KIF13B: variants seen among roughly 807,000 people sequenced by gnomAD.
KIF13B encodes kinesin-like protein KIF13B.
Under a neutral mutation model 222.0 loss-of-function variants are expected in KIF13B, and 127 were observed. The ratio of observed to expected loss-of-function variants is 0.57; its 90% CI spans 0.50 to 0.66. KIF13B has a LOEUF of 0.66. Among genes scored for constraint, KIF13B ranks in the 30% least tolerant of loss-of-function variants. The pLI, the probability that KIF13B is intolerant of heterozygous loss-of-function variation, is 0.00. For missense variants in KIF13B, 2,173 were observed against 2,379.0 expected, an observed-to-expected ratio of 0.91 and a Z score of 1.80; for synonymous variants, 976 against 919.0, an observed-to-expected ratio of 1.06 and a Z score of -1.12.
At chr8:29,090,014 G>C (rs1457222360) in intron 37 of KIF13B, among the ~76,000 whole-genome samples, 2 of 152,152 alleles carry the variant, frequency 1.3e-5, no homozygotes, top group Non-Finnish European at 2.9e-5. Flanking sequence ...GGCCTTTCCT[G>C]AATGTTCTAC....
intron 37 of KIF13B, among the ~76,000 whole-genome samples, chr8:29,082,818 T>C (rs1023487152): frequency 1.3e-5 from 2 of 152,232 alleles, no homozygotes; most frequent in Middle Eastern, 3.2e-3. Flanking sequence ...TGTTTGCTAA[T>C]CTGAAAACTT....
rs528332306 is a variant in KIF13B at position 29,101,098 on chromosome 8, G to A, written c.4216-1857C>T. On this transcript the variant is annotated intron_variant, in intron 35 of 39. Transcript: ENST00000524189. The stretch of plus-strand genomic sequence containing the variant: ...CTCTGAAATACTTCAGCGGAGGAGC[G>A]CTGGCATCCCCATGAATCATACGCT... Among the ~76,000 whole-genome samples, 14 of 152,274 alleles carry A rather than the reference G, an allele frequency of 9.2e-5. No individual in the cohort carries two copies. The East Asian group carries it at 2.3e-3, about 25-fold the overall frequency.
chr8:29,140,613 A>G lies in KIF13B; in HGVS notation c.2339T>C (p.Ile780Thr). Residue 780 changes from isoleucine (I) to threonine (T), a missense_variant, in exon 20 of 40, where the codon ATA becomes ACA. Transcript: ENST00000524189. ...ATCAGCACGTTTGAAGTATGATCGTATTACCTGTAAAGAGATTGAGAACAC... is the reference window on the plus strand; with the variant it reads ...ATCAGCACGTTTGAAGTATGATCGTGTTACCTGTAAAGAGATTGAGAACAC... ...WKECEEDNPV[I>T]RSYFKRADPF... is the part of the protein sequence containing the mutation. The G allele has an allele frequency of 6.2e-7, 1 of 1,612,414 alleles. No homozygotes were observed.
chr8:29,233,294 A>T (rs191599061), intron 2 of KIF13B, among the ~76,000 whole-genome samples: 65 of 152,320 alleles, frequency 4.3e-4, no homozygotes, highest in African/African-American at 1.5e-3. Context: ...AATCCTTGCC[A>T]CCCTAACCCC....
chr8:29,156,868 G>C (rs1811556194), intron 13 of KIF13B, among the ~76,000 whole-genome samples: 1 of 151,742 alleles, frequency 6.6e-6, no homozygotes, highest in Non-Finnish European at 1.5e-5. Flanking sequence ...ACACAACTTG[G>C]ATGTCTGAAG....
intron 26 of KIF13B, among the ~76,000 whole-genome samples, chr8:29,125,474 C>T (rs144281510): frequency 8.2e-4 from 125 of 152,182 alleles, no homozygotes; most frequent in Non-Finnish European, 1.1e-3. Flanking sequence ...ATATCACATC[C>T]GAAGAATAGT....
chr8:29,156,302 G>A (rs1048084564), intron 13 of KIF13B, among the ~76,000 whole-genome samples: 10 of 152,082 alleles, frequency 6.6e-5, no homozygotes, highest in Non-Finnish European at 1.5e-4. Context: ...ATGAAGCCAG[G>A]CATGGTTGAA....
intron 10 of KIF13B, among the ~76,000 whole-genome samples, chr8:29,169,710 A>G (rs73558600): frequency 0.047 from 7,176 of 152,294 alleles, 361 homozygotes; most frequent in African/African-American, 0.12. Context: ...CTAGACATTA[A>G]TCTCACATAG....
intron 16 of KIF13B, 63 bp from the exon 17 acceptor site, chr8:29,147,665 G>A: frequency 1.7e-6 from 2 of 1,202,232 alleles, no homozygotes; most frequent in East Asian, 2.4e-5. Context: ...TTCAAATGTT[G>A]TTCTATATGG....
chr8:29,137,673 C>T (rs1440546985), intron 21 of KIF13B, among the ~76,000 whole-genome samples: 1 of 152,184 alleles, frequency 6.6e-6, no homozygotes, highest in Non-Finnish European at 1.5e-5. Flanking sequence ...TTGTCCTCGT[C>T]CTTTTTACAT....
Position 29,067,629 on chromosome 8 carries a change from A to T in KIF13B, c.*2875T>A, listed in dbSNP as rs1807057178. ...TGCTTTGGGGGTTCAATGGGTCAGT[A>T]TCTTGGGCAGGAAGCACAGGGTGAC... On this transcript the variant is annotated 3_prime_UTR_variant, in exon 40 of 40. Transcript: ENST00000524189. 6.6e-6 allele frequency: 1 copy of T among 152,300 alleles called. No homozygotes were observed. The highest frequency in any genetic ancestry group is 1.5e-5 in the Non-Finnish European group (1 of 68,112). The allele number at this position is 152,300 out of a possible 1,614,324, so 9.4% of individuals were successfully genotyped here. A position where few individuals can be genotyped will look rare whatever the true frequency, so the allele number is the denominator to read the frequency against.
chr8:29,231,876 A>AT (rs920549015), intron 2 of KIF13B, among the ~76,000 whole-genome samples: 5 of 151,738 alleles, frequency 3.3e-5, no homozygotes, highest in African/African-American at 4.8e-5. Context: ...CCACTTCCAA[A>AT]TTTTTTTTTA....
At chr8:29,188,383 T>G (rs889655020) in intron 5 of KIF13B, 132 bp downstream of exon 5, 3 of 562,236 alleles carry the variant, frequency 5.3e-6, no homozygotes, top group Non-Finnish European at 9.3e-6. Flanking sequence ...CTGACTACTT[T>G]CAACATCTAC....
chr8:29,107,754 G>T (rs1040619832), intron 35 of KIF13B, among the ~76,000 whole-genome samples: 2 of 151,864 alleles, frequency 1.3e-5, no homozygotes, highest in Non-Finnish European at 2.9e-5. Context: ...TAGAGACGGG[G>T]TTTCACCGTG....
At position 29,245,414 on chromosome 8, in the gene KIF13B, C is replaced by T; in HGVS notation, c.81G>A (p.Val27=). ...TAACCTTGTTTGCATCCACATCCAC[C>T]ACACATTTGGTATGCAAGTCAGTCT... is the stretch of plus-strand genomic sequence containing the variant. ...RRETDLHTKC[V]VDVDANKVIL... is the part of the protein sequence containing the mutation. The change falls in exon 2 of 40, where the codon GTG becomes GTA. Residue 27 remains valine (V), a synonymous_variant. Transcript: ENST00000524189. 1 of 1,600,996 alleles carries T rather than the reference C, an allele frequency of 6.2e-7. No individual in the cohort carries two copies. The highest frequency in any genetic ancestry group is 8.5e-7 in the Non-Finnish European group (1 of 1,172,790).
At chr8:29,196,166 A>G (rs1054929823) in intron 3 of KIF13B, 21 bp downstream of exon 3, 5 of 1,562,762 alleles carry the variant, frequency 3.2e-6, no homozygotes, top group African/African-American at 2.7e-5. Context: ...CAAGCATCAC[A>G]TAACAAACCA....
intron 35 of KIF13B, among the ~76,000 whole-genome samples, chr8:29,102,286 C>T (rs1586778590): frequency 1.3e-5 from 2 of 152,142 alleles, no homozygotes; most frequent in Admixed American, 1.3e-4. Context: ...CACCTGAAAT[C>T]GAAAAAGATA....
chr8:29,222,716 C>T, intron 2 of KIF13B, among the ~76,000 whole-genome samples: 1 of 151,856 alleles, frequency 6.6e-6, no homozygotes, highest in African/African-American at 2.4e-5. Context: ...CTCTTTTTCT[C>T]AATTTCTTGG....
intron 2 of KIF13B, among the ~76,000 whole-genome samples, chr8:29,215,794 A>T (rs1814452748): frequency 6.6e-6 from 1 of 152,262 alleles, no homozygotes; most frequent in Admixed American, 6.5e-5. Context: ...AACGACAAAA[A>T]GTTTTAAAGT....
Sources: gnomAD v4.1 joint callset for allele counts (sites outside exome capture counted in the v4.1 genomes callset) on GRCh38, gnomAD v4.1.1 for gene constraint, MANE v1.5 for transcripts, NCBI Gene and HGNC (gene_info 2026-07-23, HGNC 2026-07-21) for gene names.